CRISP2: variants seen among roughly 807,000 people sequenced by gnomAD.
The protein encoded by CRISP2 is cysteine rich secretory protein 2, also known as cysteine-rich secretory protein 2.
A neutral mutation model predicts 31.7 loss-of-function variants in CRISP2; 29 were observed. That is an observed-to-expected ratio of 0.92 (90% confidence interval 0.68 to 1.25). The LOEUF is 1.25. Ranked by LOEUF, CRISP2 falls within the 50% of genes most tolerant of loss-of-function variation. CRISP2 has a pLI of 0.00. For missense variants in CRISP2, 318 were observed against 286.5 expected (o/e 1.11, Z -0.79); for synonymous variants, 111 against 101.4 (o/e 1.09, Z -0.57).
chr6:49,691,285 C>T (rs763795138), downstream of CRISP2, among the ~76,000 whole-genome samples: 2 of 151,934 alleles, frequency 1.3e-5, no homozygotes, highest in Non-Finnish European at 2.9e-5. Flanking sequence ...CTTTTCTCTC[C>T]TAAAATAGGC....
At chr6:49,697,742 A>T (rs957307212) in intron 8 of CRISP2, 118 bp downstream of exon 8, 24 of 1,568,584 alleles carry the variant, frequency 1.5e-5, no homozygotes, top group Non-Finnish European at 2.0e-5. Flanking sequence ...ACATTTCCAA[A>T]CGTTTATCCC....
At chr6:49,676,810 G>C in the CRISP2 span, among the ~76,000 whole-genome samples, 3 of 152,100 alleles carry the variant, frequency 2.0e-5, no homozygotes, top group African/African-American at 7.2e-5. Context: ...AGGGTAAGGG[G>C]GATGTAATCA....
At chr6:49,701,751 A>G (rs1404104351) in intron 4 of CRISP2, among the ~76,000 whole-genome samples, 1 of 106,872 alleles carries the variant, frequency 9.4e-6, no homozygotes, top group Non-Finnish European at 1.8e-5. Flanking sequence ...CGGTATATAT[A>G]TAATGTATAC....
chr6:49,680,679 T>G, the CRISP2 span, among the ~76,000 whole-genome samples: 1 of 152,214 alleles, frequency 6.6e-6, no homozygotes, highest in Non-Finnish European at 1.5e-5. Flanking sequence ...TTTTGACTTT[T>G]TAATAACAGC....
chr6:49,703,625 C>T (rs1766492538), intron 4 of CRISP2, among the ~76,000 whole-genome samples: 2 of 152,012 alleles, frequency 1.3e-5, no homozygotes, highest in Admixed American at 6.6e-5. Context: ...ATCTTGGTTG[C>T]TGTTGGTGTA....
intron 4 of CRISP2, 54 bp from the exon 5 acceptor site, chr6:49,700,838 A>G: frequency 9.0e-7 from 1 of 1,114,926 alleles, no homozygotes; most frequent in South Asian, 1.3e-5. Flanking sequence ...AATTTCATAT[A>G]ATAGTGAATA....
At chr6:49,685,278 C>T in the CRISP2 span, among the ~76,000 whole-genome samples, 3,270 of 152,294 alleles carry the variant, frequency 0.021, 63 homozygotes, top group South Asian at 0.091. Flanking sequence ...TTTGGTGTTA[C>T]ACTGTATCAT....
downstream of CRISP2, among the ~76,000 whole-genome samples, chr6:49,688,128 G>C (rs1763943366): frequency 6.6e-6 from 1 of 152,174 alleles, no homozygotes; most frequent in African/African-American, 2.4e-5. Flanking sequence ...ACCTGCAATG[G>C]ATGAGTCCTA....
At chr6:49,707,822 C>T (rs1220011765) in intron 4 of CRISP2, among the ~76,000 whole-genome samples, 1 of 152,166 alleles carries the variant, frequency 6.6e-6, no homozygotes, top group African/African-American at 2.4e-5. Flanking sequence ...TCAGGAGATA[C>T]ACACTGCATG....
intron 9 of CRISP2, among the ~76,000 whole-genome samples, chr6:49,694,879 A>G (rs757527043): frequency 4.6e-5 from 7 of 151,774 alleles, no homozygotes; most frequent in Non-Finnish European, 1.0e-4. Context: ...GACTACAGGC[A>G]TCCACCACCA....
At chr6:49,694,265 A>C (rs1022007782) in intron 9 of CRISP2, among the ~76,000 whole-genome samples, 3 of 152,194 alleles carry the variant, frequency 2.0e-5, no homozygotes, top group African/African-American at 7.2e-5. Context: ...GGACTCTCAG[A>C]CCAGGACAGA....
intron 5 of CRISP2, 132 bp downstream of exon 5, chr6:49,700,536 A>T: frequency 1.5e-6 from 1 of 687,544 alleles, no homozygotes; most frequent in Non-Finnish European, 2.6e-6. Context: ...TCTCCATATA[A>T]TGGTTCAAAT....
the CRISP2 span, among the ~76,000 whole-genome samples, chr6:49,685,825 C>T: frequency 1.3e-5 from 2 of 152,000 alleles, no homozygotes; most frequent in African/African-American, 4.8e-5. Flanking sequence ...TGTTTTTGGG[C>T]TTTCCCCCAC....
chr6:49,706,384 A>C (rs1223470593), intron 4 of CRISP2, among the ~76,000 whole-genome samples: 1 of 152,212 alleles, frequency 6.6e-6, no homozygotes, highest in East Asian at 1.9e-4. Context: ...AAACTAAAAA[A>C]AATTTAAAGC....
downstream of CRISP2, among the ~76,000 whole-genome samples, chr6:49,688,523 C>T (rs2127378200): frequency 6.6e-6 from 1 of 151,984 alleles, no homozygotes; most frequent in East Asian, 1.9e-4. Context: ...ACTAATTGGG[C>T]TTTAAGGTAC....
chr6:49,682,599 CT>C, the CRISP2 span, among the ~76,000 whole-genome samples: 12 of 62,408 alleles, frequency 1.9e-4, no homozygotes, highest in African/African-American at 1.1e-3. Flanking sequence ...TTCTTTCTTT[CT>C]TTCTTTCTTT....
chr6:49,690,033 G>A (rs1352370603), downstream of CRISP2, among the ~76,000 whole-genome samples: 3 of 152,124 alleles, frequency 2.0e-5, no homozygotes, highest in Non-Finnish European at 2.9e-5. Context: ...GCAATTTAAA[G>A]AGAACTTGCA....
chr6:49,692,866 G>A lies in CRISP2; in HGVS notation c.639C>T (p.Asn213=), dbSNP rs910514075. ...NSCQYQDLLS[N]CDSLKNTAGC... ...CAGCTGTATTCTTCAAGGAATCACA[G>A]TTACTTAGGAGATCTTGATACTGGC... The change falls in exon 10 of 10, where the codon AAC becomes AAT. Residue 213 remains asparagine, a synonymous_variant. Coordinates refer to ENST00000339139, the MANE Select transcript of CRISP2 (RefSeq NM_003296.4). 2.5e-6 allele frequency: 4 copies of A among 1,613,712 alleles called. No homozygotes were observed. Among genetic ancestry groups the A allele is most frequent in the South Asian group, 2.2e-5 (2 of 91,066 alleles).
intron 4 of CRISP2, among the ~76,000 whole-genome samples, chr6:49,703,589 G>T (rs952566155): frequency 6.6e-6 from 1 of 152,064 alleles, no homozygotes; most frequent in Non-Finnish European, 1.5e-5. Context: ...TGTTGTAAAA[G>T]GTACTGAGTT....
Sources: allele counts gnomAD v4.1 joint callset (sites outside exome capture counted in the v4.1 genomes callset), GRCh38; gene constraint gnomAD v4.1.1; transcripts MANE v1.5; gene names NCBI Gene and HGNC (gene_info 2026-07-23, HGNC 2026-07-21).